Variants in BCL2L1 observed in about 807,000 individuals in gnomAD.
BCL2L1 encodes the protein BCL2 like 1, also known as bcl-2-like protein 1.
Under a neutral mutation model 18.7 loss-of-function variants are expected in BCL2L1, and 1 was observed. The observed-to-expected ratio is 0.05, with a 90% CI of 0.02 to 0.25. The LOEUF is 0.25. BCL2L1 is among the 10% of genes least tolerant of loss of function. The pLI, the probability that BCL2L1 is intolerant of heterozygous loss-of-function variation, is 1.00. For synonymous variants in BCL2L1, 103 were observed against 122.7 expected, an observed-to-expected ratio of 0.84 and a Z score of 1.06; for missense variants, 207 against 304.9, an observed-to-expected ratio of 0.68 and a Z score of 2.39.
At chr20:31,723,221 C>T, upstream of BCL2L1, 5 of 953,082 alleles carry the variant, frequency 5.2e-6, no homozygotes, top group Non-Finnish European at 6.2e-6. Context: ...CTGGTTTGCT[C>T]TGAATTCCCC....
intron 2 of BCL2L1, among the ~76,000 whole-genome samples, chr20:31,719,749 G>T (rs1304487749): frequency 6.6e-6 from 1 of 152,130 alleles, no homozygotes; most frequent in Non-Finnish European, 1.5e-5. Flanking sequence ...CTCTGGTAGG[G>T]GTAGCCTTCT....
At chr20:31,674,069 T>C (rs571192362) in intron 2 of BCL2L1, among the ~76,000 whole-genome samples, 3 of 152,352 alleles carry the variant, frequency 2.0e-5, no homozygotes, top group African/African-American at 7.2e-5. Flanking sequence ...AGGATCTGTC[T>C]GAGTTCTGGC....
upstream of BCL2L1, chr20:31,723,854 G>A: frequency 1.0e-6 from 1 of 985,460 alleles, no homozygotes. Context: ...CTACCTGGCT[G>A]CCGGCCTACC....
rs184490742 is a variant in BCL2L1 at position 31,697,639 on chromosome 20, G to A, written c.564+24016C>T. 1.7e-4 allele frequency among the ~76,000 whole-genome samples: 26 copies of A among 152,032 alleles called. No homozygotes were observed. In the East Asian group the frequency reaches 2.9e-3, roughly 17 times the overall value. ...TTTTTAGTAGAGACGGGGTTTCACC[G>A]TGTTAGCCAGGATGGTCTCAAACTC... On this transcript the variant is annotated intron_variant, in intron 2 of 2. Coordinates refer to ENST00000307677, the MANE Select transcript of BCL2L1 (RefSeq NM_138578.3).
intron 2 of BCL2L1, among the ~76,000 whole-genome samples, chr20:31,693,139 T>A: frequency 7.4e-6 from 1 of 135,512 alleles, no homozygotes; most frequent in Non-Finnish European, 1.5e-5. Context: ...TAGGAATATA[T>A]ACCTATATAT....
intron 2 of BCL2L1, among the ~76,000 whole-genome samples, chr20:31,710,291 A>C (rs1326009993): frequency 6.6e-6 from 1 of 152,186 alleles, no homozygotes; most frequent in Non-Finnish European, 1.5e-5. Flanking sequence ...TTGATACCTG[A>C]ATGATAAGAA....
chr20:31,717,231 G>C (rs1196697544), intron 2 of BCL2L1, among the ~76,000 whole-genome samples: 3 of 152,220 alleles, frequency 2.0e-5, no homozygotes, highest in Non-Finnish European at 4.4e-5. Context: ...CAAAACCAGG[G>C]AGACTGGACA....
intron 2 of BCL2L1, among the ~76,000 whole-genome samples, chr20:31,701,433 A>C (rs903306215): frequency 2.0e-5 from 3 of 152,238 alleles, no homozygotes; most frequent in Non-Finnish European, 2.9e-5. Context: ...AAAACTGCTC[A>C]GTTCAAAGGA....
intron 2 of BCL2L1, among the ~76,000 whole-genome samples, chr20:31,668,268 C>T (rs1208425576): frequency 1.3e-5 from 2 of 152,010 alleles, no homozygotes; most frequent in Admixed American, 1.3e-4. Context: ...TAAAACAGTA[C>T]ACCACCCCCG....
chr20:31,687,186 T>C (rs1399421380), intron 2 of BCL2L1, among the ~76,000 whole-genome samples: 1 of 152,074 alleles, frequency 6.6e-6, no homozygotes, highest in Admixed American at 6.6e-5. Context: ...CAAACTACAC[T>C]GTACCTTACA....
chr20:31,715,483 C>T (rs1427508770), intron 2 of BCL2L1, among the ~76,000 whole-genome samples: 1 of 152,126 alleles, frequency 6.6e-6, no homozygotes, highest in Middle Eastern at 3.2e-3. Context: ...CATGCTCCCT[C>T]CTGAGTCCAT....
At chr20:31,667,029 C>T (rs931000772) in intron 2 of BCL2L1, among the ~76,000 whole-genome samples, 1 of 152,208 alleles carries the variant, frequency 6.6e-6, no homozygotes, top group Non-Finnish European at 1.5e-5. Context: ...TTCTGCAATG[C>T]AGGCTGTCTC....
chr20:31,716,814 T>C (rs1414386461), intron 2 of BCL2L1: 1 of 152,068 alleles, frequency 6.6e-6, no homozygotes, highest in Non-Finnish European at 1.5e-5. Flanking sequence ...ACCACACCAA[T>C]AAAAAAAGAC....
chr20:31,690,985 C>T (rs556087429), intron 2 of BCL2L1, among the ~76,000 whole-genome samples: 1 of 150,312 alleles, frequency 6.7e-6, no homozygotes, highest in African/African-American at 2.4e-5. Context: ...CCCGTCTCTA[C>T]TAAAAATATA....
rs886391008 is a variant in BCL2L1 at position 31,665,741 on chromosome 20, C to T, written c.*208G>A. 6.0e-6 allele frequency: 4 copies of T among 662,146 alleles called. No individual in the cohort carries two copies. Among genetic ancestry groups the T allele is most frequent in the Non-Finnish European group, 1.0e-5 (4 of 401,732 alleles). The allele number at this position is 662,146 out of a possible 1,614,324, so 41.0% of individuals were successfully genotyped here. A position where few individuals can be genotyped will look rare whatever the true frequency, so the allele number is the denominator to read the frequency against. ...TGTGGAAATTTTGTGAATTCTGAGG[C>T]CAAGGGAACTGAGGTGTGGGGGTCT... On this transcript the variant is annotated 3_prime_UTR_variant, in exon 3 of 3. Transcript: ENST00000307677.
chr20:31,706,243 G>T (rs2061366967), intron 2 of BCL2L1, among the ~76,000 whole-genome samples: 1 of 152,158 alleles, frequency 6.6e-6, no homozygotes, highest in African/African-American at 2.4e-5. Context: ...AGGCAGGTAA[G>T]GACAACCTGG....
upstream of BCL2L1, chr20:31,723,794 G>A (rs2061673876): frequency 2.0e-6 from 2 of 985,336 alleles, no homozygotes; most frequent in Admixed American, 6.1e-5. Context: ...GTAGCTTCCA[G>A]ACGCAAGAGC....
intron 2 of BCL2L1, among the ~76,000 whole-genome samples, chr20:31,719,870 G>A (rs1424086096): frequency 1.3e-5 from 2 of 152,196 alleles, no homozygotes; most frequent in African/African-American, 2.4e-5. Context: ...GTCAGGCAAA[G>A]TGGGCAAGCA....
intron 2 of BCL2L1, among the ~76,000 whole-genome samples, chr20:31,706,544 A>T (rs906042812): frequency 6.6e-6 from 1 of 152,228 alleles, no homozygotes; most frequent in African/African-American, 2.4e-5. Context: ...AATAAGACAT[A>T]GTTTTTATCC....
Sources: allele counts gnomAD v4.1 joint callset (sites outside exome capture counted in the v4.1 genomes callset), GRCh38; gene constraint gnomAD v4.1.1; transcripts MANE v1.5; gene names NCBI Gene and HGNC (gene_info 2026-07-23, HGNC 2026-07-21).